NOP16: variants seen among roughly 807,000 people sequenced by gnomAD.
The protein encoded by NOP16 is NOP16 nucleolar protein.
Under a neutral mutation model 22.7 loss-of-function variants are expected in NOP16, and 14 were observed. The observed-to-expected ratio is 0.62, with a 90% CI of 0.41 to 0.97. The LOEUF (loss-of-function observed/expected upper bound fraction) is 0.97, where lower values mean the gene tolerates loss of function less well. NOP16 is among the 50% of genes least tolerant of loss of function. NOP16 has a pLI of 0.00. For synonymous variants in NOP16, 80 were observed against 83.6 expected (o/e 0.96, Z 0.23); for missense variants, 198 against 235.9 (o/e 0.84, Z 1.05).
chr5:176,386,669 T>A (rs1329536083), intron 3 of NOP16, 171 bp downstream of exon 3: 1 of 712,464 alleles, frequency 1.4e-6, no homozygotes, highest in South Asian at 1.5e-5. Context: ...GTCAGTACAA[T>A]GAAAAATGAG....
chr5:176,387,076 C>CT, intron 2 of NOP16, 167 bp from the exon 3 acceptor site: 1 of 292,796 alleles, frequency 3.4e-6, no homozygotes, highest in East Asian at 5.9e-5. Flanking sequence ...CTCTCTCTCT[C>CT]TCTTTTTTTT....
At chr5:176,386,459 C>T (rs2113588681) in intron 3 of NOP16, 1 of 350,996 alleles carries the variant, frequency 2.8e-6, no homozygotes, top group Non-Finnish European at 5.6e-6. Context: ...TCTCTATAGC[C>T]TTAATATACA....
chr5:176,385,927 T>C (rs1219726794), intron 3 of NOP16: 1 of 152,620 alleles, frequency 6.6e-6, no homozygotes, highest in Non-Finnish European at 1.5e-5. Flanking sequence ...GAGAAAGAGC[T>C]ACCTCAGAGA....
intron 2 of NOP16, 175 bp from the exon 3 acceptor site, chr5:176,387,084 T>G: frequency 1.7e-6 from 1 of 587,790 alleles, no homozygotes; most frequent in South Asian, 2.1e-5. Flanking sequence ...CTCTCTTTTT[T>G]TTTTTCTTTT....
At chr5:176,388,369 A>G (rs372982357) in intron 1 of NOP16, 26 bp from the exon 2 acceptor site, 2 of 1,612,968 alleles carry the variant, frequency 1.2e-6, no homozygotes, top group Admixed American at 3.3e-5. Context: ...GACATCGCGG[A>G]TCCGTCATCT....
At chr5:176,387,581 G>T (rs989190388) in intron 2 of NOP16, among the ~76,000 whole-genome samples, 3 of 152,124 alleles carry the variant, frequency 2.0e-5, no homozygotes, top group African/African-American at 7.3e-5. Flanking sequence ...AAGGCAAGGA[G>T]TGTTATACCC....
At chr5:176,385,189 C>A in intron 4 of NOP16, 32 bp downstream of exon 4, 1 of 1,334,746 alleles carries the variant, frequency 7.5e-7, no homozygotes, top group African/African-American at 1.4e-5. Flanking sequence ...AGGGCGCCTT[C>A]CCAGCCAGCC....
rs1490053833 is a variant in NOP16, at chr5:176,385,268, T to C, written c.346A>G (p.Ile116Val). The change falls in exon 4 of 5, where the codon ATT becomes GTT. Residue 116 changes from isoleucine to valine, a missense_variant. Transcript: ENST00000614830. ...KKGNTLSRDL[I>V]DYVRYMVENH... is the part of the protein sequence containing the mutation. Reference sequence around the variant, plus strand: ...TCTACCATGTAGCGTACATAGTCAATGAGGTCCCGAGACAGAGTATTTCCT... The same window carrying C: ...TCTACCATGTAGCGTACATAGTCAACGAGGTCCCGAGACAGAGTATTTCCT... 1 of 1,613,274 alleles carries C rather than the reference T, an allele frequency of 6.2e-7. No homozygotes were observed. Among genetic ancestry groups the C allele is most frequent in the Non-Finnish European group, 8.5e-7 (1 of 1,179,208 alleles).
chr5:176,385,042 A>G (rs1419869262), intron 4 of NOP16, 179 bp downstream of exon 4: 2 of 619,660 alleles, frequency 3.2e-6, no homozygotes, highest in East Asian at 5.5e-5. Context: ...CACTCAGTCT[A>G]TCCTTGCCAT....
Position 176,386,884 on chromosome 5 carries a change from T to G in NOP16, c.242A>C (p.Glu81Ala), listed in dbSNP as rs777343793. 3.7e-6 allele frequency: 6 copies of G among 1,614,086 alleles called. No homozygotes were observed. Among genetic ancestry groups the G allele is most frequent in the Non-Finnish European group, 5.1e-6 (6 of 1,179,982 alleles). Residue 81 changes from glutamate to alanine, a missense_variant, in exon 3 of 5, where the codon GAG (glutamate) becomes GCG (alanine). Coordinates refer to ENST00000614830, the MANE Select transcript of NOP16 (RefSeq NM_016391.8). Reference sequence around the variant, plus strand: ...CCGTACAAGCTCTTTAGGCCTCTCCTCTATGTCCACCTCCATGGCCTTCAC... The same window carrying G: ...CCGTACAAGCTCTTTAGGCCTCTCCGCTATGTCCACCTCCATGGCCTTCAC... ...RKVKAMEVDI[E>A]ERPKELVRKP...
intron 3 of NOP16, 123 bp downstream of exon 3, chr5:176,386,717 C>T (rs1271481408): frequency 2.4e-6 from 2 of 848,680 alleles, no homozygotes; most frequent in South Asian, 2.7e-5. Context: ...GAACTTTGAA[C>T]CAGCTCACTT....
chr5:176,387,077 TC>T (rs1755913345), intron 2 of NOP16, 168 bp from the exon 3 acceptor site: 108 of 336,030 alleles, frequency 3.2e-4, no homozygotes, highest in Middle Eastern at 7.3e-4. Flanking sequence ...TCTCTCTCTC[TC>T]TTTTTTTTTT....
At position 176,388,299 on chromosome 5, in the gene NOP16, T is replaced by C. The variant is rs201019782; in HGVS notation, c.152A>G (p.Gln51Arg). The change falls in exon 2 of 5, where the codon CAG (glutamine) becomes CGG (arginine). Residue 51 changes from glutamine to arginine, a missense_variant. Gln to Arg is a conservative substitution (Grantham distance 43). Transcript: ENST00000614830. ...HAWDHAKSVR[Q>R]NLAEMGLAVD... is the part of the protein sequence containing the mutation. ...AGCCAACCCCATCTCGGCCAGGTTC[T>C]GCCGTACCGATTTAGCGTGGTCCCA... The C allele has an allele frequency of 5.9e-4, 959 of 1,614,202 alleles. 1 individual carries two copies. Among genetic ancestry groups the C allele is most frequent in the South Asian group, 1.1e-3 (96 of 91,088 alleles).
At position 176,384,789 on chromosome 5, in the gene NOP16, C is replaced by A. The variant is rs568622857; in HGVS notation, c.394-415G>T. 1.8e-5 allele frequency: 7 copies of A among 380,848 alleles called. No individual in the cohort carries two copies. The South Asian group carries it at 3.6e-4, about 20-fold the overall frequency. The allele number at this position is 380,848 out of a possible 1,614,324, so 23.6% of individuals were successfully genotyped here. A position where few individuals can be genotyped will look rare whatever the true frequency, so the allele number is the denominator to read the frequency against. ...TGTCTCAAAAAAAAGACCAGGAAGG[C>A]CTGAGAGTCCAGCGGGCCAGGGAGG... On this transcript the variant is annotated intron_variant, in intron 4 of 4. Transcript: ENST00000614830.
chr5:176,387,927 T>C (rs1184765235), intron 2 of NOP16, among the ~76,000 whole-genome samples: 1 of 151,928 alleles, frequency 6.6e-6, no homozygotes. Flanking sequence ...TCTTAGGGAG[T>C]ACTAATTAGG....
chr5:176,386,941 G>A (rs371464385), intron 2 of NOP16, 32 bp from the exon 3 acceptor site: 2 of 1,590,290 alleles, frequency 1.3e-6, no homozygotes, highest in African/African-American at 1.3e-5. Flanking sequence ...AGACCAGAAG[G>A]ATCTTTGATG....
At chr5:176,385,422 A>C (rs1238510221) in intron 3 of NOP16, 95 bp from the exon 4 acceptor site, 10 of 758,234 alleles carry the variant, frequency 1.3e-5, no homozygotes, top group Admixed American at 3.9e-5. Flanking sequence ...CTCCCAAGCC[A>C]CAAGACCCAC....
chr5:176,385,772 G>A (rs1332912140), intron 3 of NOP16, among the ~76,000 whole-genome samples: 2 of 152,162 alleles, frequency 1.3e-5, no homozygotes, highest in African/African-American at 4.8e-5. Flanking sequence ...GAGATCTAGA[G>A]CTGCCGGGTC....
rs1755897881 is a variant in NOP16 at position 176,386,980 on chromosome 5, C to T, written c.217-71G>A. ...GAAAGTTATAGACTCCTGCTTATCC[C>T]AACACAACTACTAACCCATAAGAAT... On this transcript the variant is annotated intron_variant, in intron 2 of 4. Transcript: ENST00000614830. 4 of 1,321,048 alleles carry T rather than the reference C, an allele frequency of 3.0e-6. No homozygotes were observed. The East Asian group carries it at 9.2e-5, about 30-fold the overall frequency. 81.8% of individuals were successfully genotyped at this position (1,321,048 alleles called of 1,614,324 possible).
Sources: gnomAD v4.1 joint callset for allele counts (sites outside exome capture counted in the v4.1 genomes callset) on GRCh38, gnomAD v4.1.1 for gene constraint, MANE v1.5 for transcripts, NCBI Gene and HGNC (gene_info 2026-07-23, HGNC 2026-07-21) for gene names.